TMEM143: variants seen among roughly 807,000 people sequenced by gnomAD.
The protein encoded by TMEM143 is transmembrane protein 143.
Under a neutral mutation model 40.3 loss-of-function variants are expected in TMEM143, and 45 were observed. The ratio of observed to expected loss-of-function variants is 1.12; its 90% CI spans 0.88 to 1.43. The LOEUF (loss-of-function observed/expected upper bound fraction) is 1.43. Ranked by LOEUF, TMEM143 falls within the 40% of genes most tolerant of loss-of-function variation. The pLI, the probability that TMEM143 is intolerant of heterozygous loss-of-function variation, is 0.00. For synonymous variants in TMEM143, 299 were observed against 282.7 expected (o/e 1.06, Z -0.58); for missense variants, 620 against 613.4 (o/e 1.01, Z -0.11).
At position 48,363,327 on chromosome 19, in the gene TMEM143, G is replaced by A. The variant is rs1454119454; in HGVS notation, c.228C>T (p.Pro76=). The stretch of plus-strand genomic sequence containing the variant: ...GGCGGAGCAGCTGCTCCTTGGAGAA[G>A]GGAATGAAGCGCTCGCGGTACTGCT... ...WAQQYRERFI[P]FSKEQLLRLL... is the part of the protein sequence containing the mutation. Residue 76 remains proline (P), a synonymous_variant, in exon 2 of 8, where the codon CCC becomes CCT. Coordinates refer to ENST00000293261, the MANE Select transcript of TMEM143 (RefSeq NM_018273.4). The A allele has an allele frequency of 1.2e-5, 20 of 1,614,196 alleles. No homozygotes were observed. Among genetic ancestry groups the A allele is most frequent in the Non-Finnish European group, 1.6e-5 (19 of 1,180,024 alleles).
At chr19:48,345,445 C>CACTT (rs1969602212) in intron 3 of TMEM143, 91 bp from the exon 4 acceptor site, 1 of 640,678 alleles carries the variant, frequency 1.6e-6, no homozygotes. Flanking sequence ...CAGATACTTT[C>CACTT]ATTTATTTAT....
chr19:48,343,449 C>A lies in TMEM143; in HGVS notation c.567G>T (p.Val189=). 2 of 1,574,848 alleles carry A rather than the reference C, an allele frequency of 1.3e-6. No individual in the cohort carries two copies. Among genetic ancestry groups the A allele is most frequent in the South Asian group, 2.3e-5 (2 of 86,044 alleles). The part of the protein sequence containing the change: ...VVHHPQDEVQ[V]TVNLDQYVYI... Reference sequence around the variant, plus strand: ...AGACATACTGATCCAAATTTACTGTCACCTGCCGGGGGGATGAAGGAAGCA... The same window carrying A: ...AGACATACTGATCCAAATTTACTGTAACCTGCCGGGGGGATGAAGGAAGCA... Residue 189 remains valine (V), a splice_region_variant and synonymous_variant, in exon 5 of 8, where the codon GTG becomes GTT. Transcript: ENST00000293261.
At chr19:48,363,663 C>G (rs775827244) in intron 1 of TMEM143, 132 bp from the exon 2 acceptor site, 3 of 1,421,084 alleles carry the variant, frequency 2.1e-6, no homozygotes, top group South Asian at 1.4e-5. Context: ...CGCCTCAAAG[C>G]CCCTGTTGCC....
intron 6 of TMEM143, among the ~76,000 whole-genome samples, chr19:48,337,623 G>A (rs1438103939): frequency 6.6e-6 from 1 of 151,920 alleles, no homozygotes; most frequent in Non-Finnish European, 1.5e-5. Context: ...CAGCTACTAT[G>A]GAACAGTCAC....
At chr19:48,347,084 A>G (rs1969651625) in intron 3 of TMEM143, among the ~76,000 whole-genome samples, 1 of 152,098 alleles carries the variant, frequency 6.6e-6, no homozygotes, top group African/African-American at 2.4e-5. Flanking sequence ...CCCCCCTAAA[A>G]AACTCTTGGA....
At chr19:48,357,398 A>AG (rs71181685) in intron 3 of TMEM143, among the ~76,000 whole-genome samples, 112,850 of 140,394 alleles carry the variant, frequency 0.8, 45,192 homozygotes, top group Middle Eastern at 0.89. Flanking sequence ...TCTATCGCCC[A>AG]GCTGGAGTGC....
In TMEM143 at chr19:48,333,288, G is replaced by C. The variant is rs567510946; in HGVS notation, c.1311C>G (p.Pro437=). 6.4e-7 allele frequency: 1 copy of C among 1,572,318 alleles called. No individual in the cohort carries two copies. The highest frequency in any genetic ancestry group is 1.1e-5 in the South Asian group (1 of 87,260). ...TGATCGGAGCCACTGGGTCTAGTTT[G>C]GGGAAACCCGGGGGTGGGTACAATC... ...SMGLYPPPGF[P]KLDPVAPITS... is the part of the protein sequence containing the mutation. The change falls in exon 8 of 8, where the codon CCC becomes CCG. Residue 437 remains proline (P), a synonymous_variant. Coordinates refer to ENST00000293261, the MANE Select transcript of TMEM143 (RefSeq NM_018273.4). This position sits in a 1 kb window ranked among gnomAD's most constrained non-coding sequence, Gnocchi z 4.1.
rs561229332 is a variant in TMEM143 at position 48,345,288 on chromosome 19, G to C, written c.436C>G (p.Arg146Gly). ...AGCACCTCCTGCTCATTAGACAGACGCTGGGGATCCGTTAGTGATGGCTGA... is the reference window on the plus strand; with the variant it reads ...AGCACCTCCTGCTCATTAGACAGACCCTGGGGATCCGTTAGTGATGGCTGA... ...LDQPSLTDPQ[R>G]LSNEQEVLRA... The change falls in exon 4 of 8, where the codon CGT becomes GGT. Residue 146 changes from arginine to glycine, a missense_variant. Physicochemically the swap from Arg to Gly is moderately radical, Grantham distance 125. Coordinates refer to ENST00000293261, the MANE Select transcript of TMEM143 (RefSeq NM_018273.4). 1.2e-6 allele frequency: 2 copies of C among 1,608,952 alleles called. No individual in the cohort carries two copies. The highest frequency in any genetic ancestry group is 1.7e-6 in the Non-Finnish European group (2 of 1,177,656).
chr19:48,340,574 T>C (rs1969466832), intron 6 of TMEM143, among the ~76,000 whole-genome samples: 1 of 151,982 alleles, frequency 6.6e-6, no homozygotes, highest in African/African-American at 2.4e-5. Context: ...GTGAATTGGG[T>C]TTGAAATAGG....
chr19:48,358,696 C>T (rs10404550), intron 3 of TMEM143, among the ~76,000 whole-genome samples: 3 of 152,200 alleles, frequency 2.0e-5, no homozygotes, highest in Non-Finnish European at 4.4e-5. Flanking sequence ...TTACCCTTGT[C>T]GGAGCTTCCA....
Position 48,363,275 on chromosome 19 carries a change from C to G in TMEM143, c.264+16G>C, listed in dbSNP as rs780670984. On this transcript the variant is annotated intron_variant, in intron 2 of 7. Transcript: ENST00000293261. ...AGCCGTAGTCCCCAGGCTCTTGGGCCTGGGACAGGCGGTACCTGTATTAGG... is the reference window on the plus strand; with the variant it reads ...AGCCGTAGTCCCCAGGCTCTTGGGCGTGGGACAGGCGGTACCTGTATTAGG... The G allele has an allele frequency of 6.2e-7, 1 of 1,606,646 alleles. No individual in the cohort carries two copies. The highest frequency in any genetic ancestry group is 1.3e-5 in the African/African-American group (1 of 74,546).
intron 3 of TMEM143, among the ~76,000 whole-genome samples, chr19:48,356,596 ATTTTTT>A (rs36077135): frequency 6.6e-5 from 9 of 135,906 alleles, no homozygotes; most frequent in Admixed American, 1.5e-4. Context: ...GGCCCAGGTA[ATTTTTT>A]TTTTTTTTTT....
chr19:48,342,791 C>G lies in TMEM143; in HGVS notation c.714G>C (p.Val238=). 1 of 1,606,420 alleles carries G rather than the reference C, an allele frequency of 6.2e-7. No individual in the cohort carries two copies. Among genetic ancestry groups the G allele is most frequent in the South Asian group, 1.1e-5 (1 of 90,748 alleles). The stretch of plus-strand genomic sequence containing the variant: ...CCCGTTTGGTCCGGGCTGCCAGGAC[C>G]ACCCGCTTAAAGTATCTCCTGAGGG... The part of the protein sequence containing the change: ...PPAERRYFKR[V]VLAARTKRGH... Residue 238 remains valine, a synonymous_variant, in exon 6 of 8, where the codon GTG becomes GTC. Transcript: ENST00000293261.
At chr19:48,340,121 A>ATTTTTTTTTTTTTTTTTTTTTTTTTTTTT in intron 6 of TMEM143, among the ~76,000 whole-genome samples, 1 of 98,572 alleles carries the variant, frequency 1.0e-5, no homozygotes, top group Non-Finnish European at 1.9e-5. Flanking sequence ...GTCAACTGGG[A>ATTTTTTTTTTTTTTTTTTTTTTTTTTTTT]TTTTTTTTTT....
intron 3 of TMEM143, among the ~76,000 whole-genome samples, chr19:48,346,750 G>C (rs1340057396): frequency 6.6e-6 from 1 of 150,636 alleles, no homozygotes; most frequent in East Asian, 2.0e-4. Context: ...GCTAATTTTT[G>C]TATTTTTAGT....
At chr19:48,356,282 T>A (rs1969891182) in intron 3 of TMEM143, among the ~76,000 whole-genome samples, 1 of 150,502 alleles carries the variant, frequency 6.6e-6, no homozygotes, top group South Asian at 2.1e-4. Flanking sequence ...ACAGCGCCAC[T>A]ATGCCCAGCT....
rs1326069261 is a variant in TMEM143, at chr19:48,356,422, G to A, written c.369+3650C>T. On this transcript the variant is annotated intron_variant, in intron 3 of 7. Coordinates refer to ENST00000293261, the MANE Select transcript of TMEM143 (RefSeq NM_018273.4). ...ATTACAGGCGTGAGTCACCACGCCC[G>A]GCCCTCCTTTTTTTTTTTTTTTTTG... Among the ~76,000 whole-genome samples the A allele has an allele frequency of 7.8e-5, 10 of 128,886 alleles. No homozygotes were observed. The East Asian group carries it at 9.5e-4, about 12-fold the overall frequency. The allele number at this position is 128,886 out of a possible 152,430, so 84.6% of individuals were successfully genotyped here. A position where few individuals can be genotyped will look rare whatever the true frequency, so the allele number is the denominator to read the frequency against.
chr19:48,347,415 T>C (rs1404003074), intron 3 of TMEM143, among the ~76,000 whole-genome samples: 1 of 152,084 alleles, frequency 6.6e-6, no homozygotes, highest in Non-Finnish European at 1.5e-5. Flanking sequence ...GAGACTGGGA[T>C]GCAGAAGAGA....
intron 6 of TMEM143, among the ~76,000 whole-genome samples, chr19:48,335,306 C>T (rs535000833): frequency 3.9e-5 from 6 of 152,316 alleles, no homozygotes; most frequent in African/African-American, 1.2e-4. Flanking sequence ...AGGCCAAGTG[C>T]AGTGGCTCAG....
Sources: gnomAD v4.1 joint callset for allele counts (sites outside exome capture counted in the v4.1 genomes callset) on GRCh38, gnomAD v4.1.1 for gene constraint, Gnocchi (gnomAD v3.1) non-coding constraint, MANE v1.5 for transcripts, NCBI Gene and HGNC (gene_info 2026-07-23, HGNC 2026-07-21) for gene names.